PRKG1: variants seen among roughly 807,000 people sequenced by gnomAD.
The protein encoded by PRKG1 is cGMP-dependent protein kinase 1.
PRKG1 carries 35 observed loss-of-function variants against 88.1 expected under a neutral mutation model. That is an observed-to-expected ratio of 0.40 (90% CI 0.30 to 0.53). The LOEUF (loss-of-function observed/expected upper bound fraction) is 0.53. PRKG1 is among the 20% of genes least tolerant of loss of function. PRKG1 has a pLI of 0.59. For missense variants in PRKG1, 540 were observed against 839.8 expected, an observed-to-expected ratio of 0.64 and a Z score of 4.41; for synonymous variants, 303 against 292.5, an observed-to-expected ratio of 1.04 and a Z score of -0.37.
chr10:52,001,344 T>C (rs188606416), intron 5 of PRKG1, among the ~76,000 whole-genome samples: 1 of 145,396 alleles, frequency 6.9e-6, no homozygotes, highest in African/African-American at 2.6e-5. Flanking sequence ...TGCTAAGAGA[T>C]ATTTCAAGTG....
chr10:51,829,710 A>G (rs536247703), intron 4 of PRKG1, among the ~76,000 whole-genome samples: 3 of 152,342 alleles, frequency 2.0e-5, no homozygotes, highest in African/African-American at 7.2e-5. Context: ...GCACACATAC[A>G]TAGATAAAGC....
intron 3 of PRKG1, among the ~76,000 whole-genome samples, chr10:51,560,541 G>T (rs1837431344): frequency 6.6e-6 from 1 of 151,954 alleles, no homozygotes; most frequent in Non-Finnish European, 1.5e-5. Context: ...TTACAGAAAA[G>T]TTGCAAAGAA....
In PRKG1 at chr10:51,099,961, T is replaced by C. The variant is rs528879747; in HGVS notation, c.311+25060T>C. On this transcript the variant is annotated intron_variant, in intron 1 of 17. Coordinates refer to ENST00000373980, the MANE Select transcript of PRKG1 (RefSeq NM_006258.4). ...CTTAGGCTGGCGTGCAGTGGCACAA[T>C]CATAGCTCAGCAGCCTCAAACTCCT... Among the ~76,000 whole-genome samples, 3 of 152,300 alleles carry C rather than the reference T, an allele frequency of 2.0e-5. No individual in the cohort carries two copies. In the East Asian group the frequency reaches 5.8e-4, roughly 29 times the overall value.
chr10:51,686,498 G>A (rs931862289), intron 3 of PRKG1, among the ~76,000 whole-genome samples: 3 of 152,174 alleles, frequency 2.0e-5, no homozygotes, highest in South Asian at 2.1e-4. Context: ...GCTTGTGTCA[G>A]TACAGGCACT....
At chr10:51,188,207 G>A (rs909654995) in intron 2 of PRKG1, among the ~76,000 whole-genome samples, 3 of 151,948 alleles carry the variant, frequency 2.0e-5, no homozygotes, top group Admixed American at 6.6e-5. Context: ...TCTTTATAAA[G>A]GATCTTTTAG....
intron 4 of PRKG1, among the ~76,000 whole-genome samples, chr10:51,859,629 CA>C (rs1840817349): frequency 6.6e-6 from 1 of 152,134 alleles, no homozygotes; most frequent in South Asian, 2.1e-4. Context: ...CAAAAATGCA[CA>C]TGGCAATTAC....
At chr10:51,334,140 TTCTCTCTCTCTTTC>T (rs761475348) in intron 2 of PRKG1, among the ~76,000 whole-genome samples, 4 of 112,356 alleles carry the variant, frequency 3.6e-5, no homozygotes, top group Non-Finnish European at 5.7e-5. Flanking sequence ...CTTCCTTTCT[TTCTCTCTCTCTTTC>T]TCTCTCTCTC....
intron 1 of PRKG1, among the ~76,000 whole-genome samples, chr10:51,147,886 A>C (rs1022896359): frequency 3.3e-5 from 5 of 152,136 alleles, no homozygotes; most frequent in Admixed American, 3.3e-4. Flanking sequence ...TTTTGAGGGA[A>C]TATCTAAATT....
At chr10:51,677,372 T>G (rs1329478412) in intron 3 of PRKG1, among the ~76,000 whole-genome samples, 1 of 152,184 alleles carries the variant, frequency 6.6e-6, no homozygotes, top group Non-Finnish European at 1.5e-5. Flanking sequence ...TCTTAATGCA[T>G]TTTTATTTTT....
intron 3 of PRKG1, among the ~76,000 whole-genome samples, chr10:51,711,792 T>C (rs1238766224): frequency 2.0e-5 from 3 of 151,984 alleles, no homozygotes; most frequent in Non-Finnish European, 4.4e-5. Context: ...TGGTGGAGAG[T>C]GTTTGAGCTG....
chr10:51,553,430 G>T (rs1250285220), intron 3 of PRKG1, among the ~76,000 whole-genome samples: 3 of 151,586 alleles, frequency 2.0e-5, no homozygotes, highest in African/African-American at 7.3e-5. Flanking sequence ...AATTGGAAAA[G>T]AATTGATTAC....
intron 3 of PRKG1, among the ~76,000 whole-genome samples, chr10:51,570,808 T>C (rs1837733625): frequency 6.6e-6 from 1 of 151,922 alleles, no homozygotes; most frequent in African/African-American, 2.4e-5. Context: ...GATCACTTCT[T>C]TTTAAAATTA....
intron 3 of PRKG1, among the ~76,000 whole-genome samples, chr10:51,634,442 A>G (rs1839604757): frequency 6.6e-6 from 1 of 152,158 alleles, no homozygotes; most frequent in Non-Finnish European, 1.5e-5. Context: ...TAGGGGAGCC[A>G]TTCAGGTTTA....
chr10:51,327,531 A>G (rs551073025), intron 2 of PRKG1, among the ~76,000 whole-genome samples: 4 of 152,310 alleles, frequency 2.6e-5, no homozygotes, highest in African/African-American at 9.6e-5. Flanking sequence ...GCACGTACAG[A>G]CATGTGTCAC....
chr10:51,789,846 G>A (rs1838821435), intron 3 of PRKG1, among the ~76,000 whole-genome samples: 1 of 151,100 alleles, frequency 6.6e-6, no homozygotes, highest in African/African-American at 2.4e-5. Flanking sequence ...TTTTTAGATG[G>A]AGTCTTGCTT....
intron 5 of PRKG1, among the ~76,000 whole-genome samples, chr10:52,031,090 A>G (rs905367208): frequency 3.9e-5 from 6 of 152,054 alleles, no homozygotes; most frequent in Admixed American, 2.0e-4. Flanking sequence ...CATTATCCCT[A>G]ATGTCATTGA....
intron 5 of PRKG1, among the ~76,000 whole-genome samples, chr10:51,935,262 A>G (rs1312212408): frequency 6.6e-6 from 1 of 152,152 alleles, no homozygotes; most frequent in Non-Finnish European, 1.5e-5. Context: ...GAACTTAAGA[A>G]TCATTCAGCC....
rs140737807 is a variant in PRKG1, at chr10:52,197,837, T to C, written c.1076+35874T>C. ...AATATTACTATATTCATGGATGAAA[T>C]ATAGTACAAGTACAAAACTTCTTCC... On this transcript the variant is annotated intron_variant, in intron 9 of 17. Transcript: ENST00000373980. Among the ~76,000 whole-genome samples, 741 of 152,288 alleles carry C rather than the reference T, an allele frequency of 4.9e-3. 29 individuals carry two copies. Among genetic ancestry groups the C allele is most frequent in the Admixed American group, 0.044 (678 of 15,298 alleles).
At chr10:51,948,150 T>A (rs1054342536) in intron 5 of PRKG1, among the ~76,000 whole-genome samples, 2 of 152,180 alleles carry the variant, frequency 1.3e-5, no homozygotes, top group Non-Finnish European at 2.9e-5. Context: ...TTTACATTGT[T>A]ACCTCAAACA....
Sources: allele counts gnomAD v4.1 joint callset (sites outside exome capture counted in the v4.1 genomes callset), GRCh38; gene constraint gnomAD v4.1.1; transcripts MANE v1.5; gene names NCBI Gene and HGNC (gene_info 2026-07-23, HGNC 2026-07-21).